BMP2K: variants seen among roughly 807,000 people sequenced by gnomAD.
BMP2K encodes the protein BMP-2-inducible protein kinase.
In BMP2K, 74 loss-of-function variants were observed where a neutral mutation model predicts 116.0. The ratio of observed to expected loss-of-function variants is 0.64; its 90% confidence interval spans 0.53 to 0.77. The LOEUF (loss-of-function observed/expected upper bound fraction) is 0.77, where lower values mean the gene tolerates loss of function less well. Among genes scored for constraint, BMP2K ranks in the 30% least tolerant of loss-of-function variants. BMP2K has a pLI of 0.00. For synonymous variants in BMP2K, 486 were observed against 502.5 expected (o/e 0.97, Z 0.44); for missense variants, 1,365 against 1,403.6 (o/e 0.97, Z 0.44).
At chr4:78,832,387 C>T (rs937265751) in intron 2 of BMP2K, among the ~76,000 whole-genome samples, 1 of 152,130 alleles carries the variant, frequency 6.6e-6, no homozygotes, top group Non-Finnish European at 1.5e-5. Context: ...TTTGTATCAA[C>T]GTCTTTACTA....
chr4:78,896,751 C>A (rs1279538133), intron 15 of BMP2K, among the ~76,000 whole-genome samples: 1 of 152,076 alleles, frequency 6.6e-6, no homozygotes, highest in Non-Finnish European at 1.5e-5. Flanking sequence ...CACAATATTT[C>A]TTTGCTGCTG....
Position 78,875,937 on chromosome 4 carries a change from A to G in BMP2K, c.1794-2797A>G, listed in dbSNP as rs530299198. Reference sequence around the variant, plus strand: ...CTTTTTAGACCTAGTCTCAGCAGTCATGGGCTGCTGCTTGTGCCATATTTC... The same window carrying G: ...CTTTTTAGACCTAGTCTCAGCAGTCGTGGGCTGCTGCTTGTGCCATATTTC... On this transcript the variant is annotated intron_variant, in intron 13 of 15. Coordinates refer to ENST00000502613, the MANE Select transcript of BMP2K (RefSeq NM_198892.2). 2.0e-5 allele frequency among the ~76,000 whole-genome samples: 3 copies of G among 152,358 alleles called. No individual in the cohort carries two copies. In the East Asian group the frequency reaches 5.8e-4, roughly 29 times the overall value.
chr4:78,812,958 C>T (rs575927072), intron 1 of BMP2K, among the ~76,000 whole-genome samples: 9 of 151,772 alleles, frequency 5.9e-5, no homozygotes, highest in African/African-American at 1.5e-4. Context: ...GTGGGAGGAT[C>T]GCTTGAGCCT....
chr4:78,899,935 T>C (rs1733906432), intron 15 of BMP2K, among the ~76,000 whole-genome samples: 2 of 152,158 alleles, frequency 1.3e-5, no homozygotes, highest in African/African-American at 2.4e-5. Flanking sequence ...ATTTAGATTT[T>C]ATATGGGCAA....
At chr4:78,839,732 T>C (rs889065024) in intron 3 of BMP2K, among the ~76,000 whole-genome samples, 5 of 152,128 alleles carry the variant, frequency 3.3e-5, no homozygotes, top group African/African-American at 9.7e-5. Context: ...CTGCAAAAAC[T>C]GAAGCAGTTG....
At chr4:78,796,051 A>G (rs917242028) in intron 1 of BMP2K, among the ~76,000 whole-genome samples, 2 of 152,058 alleles carry the variant, frequency 1.3e-5, no homozygotes, top group Non-Finnish European at 2.9e-5. Context: ...GTATATACCC[A>G]AAGGACTATA....
chr4:78,863,691 A>G (rs1313243920), intron 9 of BMP2K, among the ~76,000 whole-genome samples: 1 of 152,188 alleles, frequency 6.6e-6, no homozygotes, highest in African/African-American at 2.4e-5. Context: ...ACTGTACAGC[A>G]GTATCGATGC....
intron 1 of BMP2K, among the ~76,000 whole-genome samples, chr4:78,799,713 T>C (rs893522556): frequency 1.3e-5 from 2 of 152,216 alleles, no homozygotes; most frequent in African/African-American, 4.8e-5. Flanking sequence ...TAAATCTTGC[T>C]TACTCATGTG....
At chr4:78,888,596 A>C (rs1281388014) in intron 15 of BMP2K, among the ~76,000 whole-genome samples, 1 of 152,200 alleles carries the variant, frequency 6.6e-6, no homozygotes, top group Non-Finnish European at 1.5e-5. Flanking sequence ...GGGGAAATGA[A>C]TAGTAGAGTT....
At chr4:78,823,819 T>A (rs1395792351) in intron 1 of BMP2K, among the ~76,000 whole-genome samples, 1 of 152,018 alleles carries the variant, frequency 6.6e-6, no homozygotes. Flanking sequence ...TAGACCTAGA[T>A]AGATAAATGT....
At chr4:78,797,197 ACATCTGGGT>A (rs1401100060) in intron 1 of BMP2K, among the ~76,000 whole-genome samples, 1 of 152,220 alleles carries the variant, frequency 6.6e-6, no homozygotes, top group Admixed American at 6.5e-5. Context: ...TACATTTAGT[ACATCTGGGT>A]AGGGCCGGAG....
At chr4:78,864,280 A>G (rs1193638135) in intron 9 of BMP2K, among the ~76,000 whole-genome samples, 2 of 152,066 alleles carry the variant, frequency 1.3e-5, no homozygotes, top group Non-Finnish European at 2.9e-5. Flanking sequence ...ATTTCCCCCA[A>G]ATTACTTGAG....
In BMP2K at chr4:78,897,467, TTAAC is replaced by T. The variant is rs770063503; in HGVS notation, c.2062+10186_2062+10189del. 4.9e-4 allele frequency among the ~76,000 whole-genome samples: 75 copies of T among 152,234 alleles called. 1 individual carries two copies. Among genetic ancestry groups the T allele is most frequent in the Admixed American group, 7.9e-4 (12 of 15,284 alleles). ...TGAATTAAAAATTTATAATGAAAAA[TTAAC>T]TATATCATAAAACTTTGAATAATAT... On this transcript the variant is annotated intron_variant, in intron 15 of 15. Coordinates refer to ENST00000502613, the MANE Select transcript of BMP2K (RefSeq NM_198892.2).
intron 1 of BMP2K, among the ~76,000 whole-genome samples, chr4:78,819,713 T>C (rs1413411866): frequency 6.6e-6 from 1 of 152,246 alleles, no homozygotes; most frequent in East Asian, 1.9e-4. Flanking sequence ...CCCCTTGATA[T>C]GCTAGATTCC....
At chr4:78,778,737 A>G (rs1023686754) in intron 1 of BMP2K, among the ~76,000 whole-genome samples, 2 of 152,212 alleles carry the variant, frequency 1.3e-5, no homozygotes, top group Non-Finnish European at 2.9e-5. Context: ...TTTAGACAAG[A>G]TGTTTAAGCA....
intron 1 of BMP2K, among the ~76,000 whole-genome samples, chr4:78,777,105 C>G (rs575587249): frequency 2.0e-5 from 3 of 152,234 alleles, no homozygotes; most frequent in Non-Finnish European, 4.4e-5. Flanking sequence ...CATGCGTTGG[C>G]CTTTTCATCT....
At position 78,911,323 on chromosome 4, in the gene BMP2K, C is replaced by T. The variant is rs1025587812; in HGVS notation, c.2776C>T (p.Pro926Ser). ...TGAGGCACATACTATCCCTGGTTAT[C>T]CCAAAAGTGTAGATGTATTTGGCTC... is the stretch of plus-strand genomic sequence containing the variant. ...GPEAHTIPGY[P>S]KSVDVFGSTP... Residue 926 changes from proline to serine, a missense_variant, in exon 16 of 16, where the codon CCC (proline) becomes TCC (serine). Physicochemically the swap from Pro to Ser is moderately conservative, Grantham distance 74. Around this residue, in one of 3 missense-constraint regions of BMP2K, gnomAD observed 596 missense variants for 623.2 expected, o/e 0.96. Transcript: ENST00000502613. The T allele has an allele frequency of 2.5e-6, 4 of 1,613,914 alleles. No individual in the cohort carries two copies. The South Asian group carries it at 4.4e-5, about 18-fold the overall frequency.
chr4:78,849,152 C>T (rs370366179), intron 6 of BMP2K, among the ~76,000 whole-genome samples: 6 of 150,662 alleles, frequency 4.0e-5, no homozygotes, highest in South Asian at 2.1e-4. Flanking sequence ...ATTTTTATCC[C>T]GAGATTTAGG....
At chr4:78,889,887 T>A (rs927158150) in intron 15 of BMP2K, among the ~76,000 whole-genome samples, 2 of 152,248 alleles carry the variant, frequency 1.3e-5, no homozygotes, top group Non-Finnish European at 2.9e-5. Flanking sequence ...TGCAGCAGAA[T>A]GCTTGTAAGA....
Sources: allele counts gnomAD v4.1 joint callset (sites outside exome capture counted in the v4.1 genomes callset), GRCh38; gene constraint gnomAD v4.1.1; regional missense constraint gnomAD v4.1.1; transcripts MANE v1.5; gene names NCBI Gene and HGNC (gene_info 2026-07-23, HGNC 2026-07-21).